The following SNTG1 variants were observed in gnomAD, a reference collection of about 807,000 sequenced individuals.
SNTG1 encodes syntrophin gamma 1.
In SNTG1, 39 loss-of-function variants were observed where a neutral mutation model predicts 74.7. That is an observed-to-expected ratio of 0.52 (90% CI 0.40 to 0.68). SNTG1 has a LOEUF of 0.68. SNTG1 is among the 30% of genes least tolerant of loss of function. The pLI is 0.00. For synonymous variants in SNTG1, 254 were observed against 217.1 expected, an observed-to-expected ratio of 1.17 and a Z score of -1.49; for missense variants, 685 against 609.5, an observed-to-expected ratio of 1.12 and a Z score of -1.30.
At chr8:49,943,911 AT>A (rs894836132) in intron 1 of SNTG1, among the ~76,000 whole-genome samples, 13 of 152,176 alleles carry the variant, frequency 8.5e-5, no homozygotes, top group Non-Finnish European at 1.3e-4. Flanking sequence ...TAATGCATTT[AT>A]TTTTTTAAAA....
chr8:50,589,826 A>G (rs930878562), intron 12 of SNTG1, among the ~76,000 whole-genome samples: 5 of 152,182 alleles, frequency 3.3e-5, no homozygotes, highest in African/African-American at 4.8e-5. Context: ...CTGAAGGCAT[A>G]TATGAGTAGG....
At chr8:50,705,887 C>T (rs1407710344) in intron 16 of SNTG1, among the ~76,000 whole-genome samples, 1 of 152,194 alleles carries the variant, frequency 6.6e-6, no homozygotes. Context: ...TTTTCATGCG[C>T]TTGCCACATG....
intron 2 of SNTG1, among the ~76,000 whole-genome samples, chr8:50,337,696 G>A (rs1253364083): frequency 6.6e-6 from 1 of 152,198 alleles, no homozygotes; most frequent in East Asian, 1.9e-4. Context: ...CAACCCATGG[G>A]CACAGGTTCA....
chr8:50,750,786 A>G (rs1327493054), intron 17 of SNTG1, among the ~76,000 whole-genome samples: 1 of 151,990 alleles, frequency 6.6e-6, no homozygotes, highest in African/African-American at 2.4e-5. Flanking sequence ...TATAGAAACA[A>G]ACATCACTTT....
In SNTG1 at chr8:50,121,590, T is replaced by C. The variant is rs184251808; in HGVS notation, c.-102-50971T>C. Among the ~76,000 whole-genome samples, 2 of 143,020 alleles carry C rather than the reference T, an allele frequency of 1.4e-5. 1 individual carries two copies. The highest frequency in any genetic ancestry group is 4.0e-4 in the East Asian group (2 of 5,008). 93.8% of individuals were successfully genotyped at this position (143,020 alleles called of 152,430 possible). On this transcript the variant is annotated intron_variant, in intron 1 of 18. Coordinates refer to ENST00000642720, the MANE Select transcript of SNTG1 (RefSeq NM_018967.5). Reference sequence around the variant, plus strand: ...ATACAAACTAACTTTAGTGGTATTGTGCCAGTATTTTAGAATAATTAGAAA... The same window carrying C: ...ATACAAACTAACTTTAGTGGTATTGCGCCAGTATTTTAGAATAATTAGAAA...
intron 2 of SNTG1, among the ~76,000 whole-genome samples, chr8:50,263,841 C>T (rs1356931393): frequency 1.3e-5 from 2 of 152,044 alleles, no homozygotes; most frequent in Non-Finnish European, 2.9e-5. Context: ...CTTGCTAACC[C>T]CAACAGACAT....
chr8:50,655,805 C>G (rs2095176651), intron 13 of SNTG1, among the ~76,000 whole-genome samples: 1 of 152,178 alleles, frequency 6.6e-6, no homozygotes, highest in Non-Finnish European at 1.5e-5. Flanking sequence ...AAACCATCCC[C>G]TTACTAGCTG....
At chr8:50,595,824 G>A (rs977038852) in intron 13 of SNTG1, among the ~76,000 whole-genome samples, 1 of 151,946 alleles carries the variant, frequency 6.6e-6, no homozygotes, top group South Asian at 2.1e-4. Context: ...CTAATGCTGG[G>A]TAGTATTTTA....
In SNTG1 at chr8:50,684,437, T is replaced by C. The variant is rs897913735; in HGVS notation, c.1039-20163T>C. 3.4e-4 allele frequency among the ~76,000 whole-genome samples: 51 copies of C among 152,196 alleles called. 1 individual carries two copies. Among genetic ancestry groups the C allele is most frequent in the Admixed American group, 3.3e-3 (51 of 15,274 alleles). On this transcript the variant is annotated intron_variant, in intron 15 of 18. Coordinates refer to ENST00000642720, the MANE Select transcript of SNTG1 (RefSeq NM_018967.5). Reference sequence around the variant, plus strand: ...TTTGTTTTGTGTGTCTCTTGTTTGTTTGCTTTTCTGGTTCTAGGAATGCTA... The same window carrying C: ...TTTGTTTTGTGTGTCTCTTGTTTGTCTGCTTTTCTGGTTCTAGGAATGCTA...
intron 2 of SNTG1, among the ~76,000 whole-genome samples, chr8:50,349,671 G>A (rs2091587409): frequency 6.6e-6 from 1 of 152,094 alleles, no homozygotes; most frequent in Non-Finnish European, 1.5e-5. Flanking sequence ...CTTGAGTTTT[G>A]GAAAGGCACT....
At chr8:50,709,163 A>G (rs1210349575) in intron 17 of SNTG1, 185 bp downstream of exon 17, 2 of 577,034 alleles carry the variant, frequency 3.5e-6, no homozygotes, top group Non-Finnish European at 6.2e-6. Flanking sequence ...TTAATAAAAC[A>G]TATGTAGTAC....
intron 12 of SNTG1, among the ~76,000 whole-genome samples, chr8:50,572,275 T>TATAGAG (rs567247331): frequency 3.4e-5 from 5 of 148,308 alleles, no homozygotes; most frequent in African/African-American, 1.3e-4. Context: ...TATATATATA[T>TATAGAG]AGAGAGAGAG....
At chr8:50,070,056 G>A (rs926194614) in intron 1 of SNTG1, among the ~76,000 whole-genome samples, 1 of 152,022 alleles carries the variant, frequency 6.6e-6, no homozygotes, top group African/African-American at 2.4e-5. Flanking sequence ...AACATTCAAT[G>A]TATGTTTGGT....
intron 4 of SNTG1, among the ~76,000 whole-genome samples, chr8:50,418,490 T>G (rs2093041421): frequency 1.3e-5 from 2 of 152,088 alleles, no homozygotes; most frequent in South Asian, 4.1e-4. Context: ...TTATTCTTTT[T>G]CTTTTACTTT....
intron 13 of SNTG1, among the ~76,000 whole-genome samples, chr8:50,626,924 T>C (rs1267906109): frequency 6.6e-6 from 1 of 152,164 alleles, no homozygotes; most frequent in Non-Finnish European, 1.5e-5. Context: ...TCTTTTTGAG[T>C]CATTGTGGAA....
chr8:50,623,221 C>T (rs528029111), intron 13 of SNTG1, among the ~76,000 whole-genome samples: 3 of 152,012 alleles, frequency 2.0e-5, no homozygotes, highest in Non-Finnish European at 4.4e-5. Flanking sequence ...AAAGAAGTGG[C>T]AAAAGTGGGC....
At chr8:50,080,253 A>C (rs1822284096) in intron 1 of SNTG1, among the ~76,000 whole-genome samples, 1 of 152,060 alleles carries the variant, frequency 6.6e-6, no homozygotes. Context: ...CTTAAAATCT[A>C]TTTTGTCTGT....
intron 2 of SNTG1, among the ~76,000 whole-genome samples, chr8:50,297,131 C>T (rs1414163992): frequency 6.6e-6 from 1 of 152,112 alleles, no homozygotes; most frequent in African/African-American, 2.4e-5. Context: ...GAATGGGAAA[C>T]ATTTGACCAA....
intron 15 of SNTG1, among the ~76,000 whole-genome samples, chr8:50,660,349 A>G (rs576712305): frequency 4.1e-4 from 58 of 142,458 alleles, no homozygotes; most frequent in Admixed American, 1.5e-3. Context: ...AAAGAGAAAG[A>G]AAGAAAGAAA....
Sources: allele counts gnomAD v4.1 joint callset (sites outside exome capture counted in the v4.1 genomes callset), GRCh38; gene constraint gnomAD v4.1.1; transcripts MANE v1.5; gene names NCBI Gene and HGNC (gene_info 2026-07-23, HGNC 2026-07-21).